The following PPP1R1C variants were observed in gnomAD, a reference collection of about 807,000 sequenced individuals.
The protein encoded by PPP1R1C is protein phosphatase 1 regulatory subunit 1C.
PPP1R1C carries 15 observed loss-of-function variants against 17.4 expected under a neutral mutation model. The ratio of observed to expected loss-of-function variants is 0.86; its 90% CI spans 0.58 to 1.33. PPP1R1C has a LOEUF of 1.33. PPP1R1C is among the 40% of genes most tolerant of loss of function. The pLI, the probability that PPP1R1C is intolerant of heterozygous loss-of-function variation, is 0.00. For missense variants in PPP1R1C, 143 were observed against 130.0 expected (o/e 1.10, Z -0.48); for synonymous variants, 35 against 43.1 (o/e 0.81, Z 0.73).
chr2:182,119,520 C>G (rs1028176585), downstream of PPP1R1C, among the ~76,000 whole-genome samples: 12 of 152,216 alleles, frequency 7.9e-5, no homozygotes, highest in Non-Finnish European at 1.5e-4. Context: ...ACAGTCCCAA[C>G]AACAGTGTAA....
chr2:182,104,497 T>G (rs181188379), intron 4 of PPP1R1C, among the ~76,000 whole-genome samples: 3 of 152,338 alleles, frequency 2.0e-5, no homozygotes, highest in South Asian at 2.1e-4. Context: ...TGTATCACAC[T>G]TATTGATTTG....
chr2:181,961,617 C>A lies in PPP1R1C; in HGVS notation n.111+6983C>A. On this transcript the variant is annotated intron_variant and non_coding_transcript_variant, in intron 1 of 5. Transcript: ENST00000464264. The surrounding 1 kb of genome is among the most constrained non-coding windows in gnomAD (Gnocchi z 5.8). ...TGAGCGTCATCTCAGCATCTCCAAC[C>A]TTGGTGGACTGCGTAGTGACCACTG... The A allele has an allele frequency of 1.3e-6, 1 of 741,996 alleles. No homozygotes were observed. Among genetic ancestry groups the A allele is most frequent in the Admixed American group, 1.8e-5 (1 of 55,206 alleles). 46.0% of individuals were successfully genotyped at this position (741,996 alleles called of 1,614,324 possible). A position where few individuals can be genotyped will look rare whatever the true frequency, so the allele number is the denominator to read the frequency against.
chr2:182,007,344 A>AAT (rs1169696187), intron 2 of PPP1R1C, among the ~76,000 whole-genome samples: 1 of 152,190 alleles, frequency 6.6e-6, no homozygotes, highest in Non-Finnish European at 1.5e-5. Context: ...CTACAATATC[A>AAT]ATAAGAATAC....
intron 2 of PPP1R1C, among the ~76,000 whole-genome samples, chr2:182,049,238 GA>G (rs1687435448): frequency 1.3e-5 from 2 of 150,780 alleles, no homozygotes; most frequent in African/African-American, 4.9e-5. Context: ...GCAGAGGCAG[GA>G]GAATCACTTG....
intron 4 of PPP1R1C, among the ~76,000 whole-genome samples, chr2:182,079,123 C>A (rs1366925840): frequency 6.6e-6 from 1 of 152,056 alleles, no homozygotes; most frequent in Admixed American, 6.6e-5. Flanking sequence ...TTAAATCAGG[C>A]TATAAAAGAA....
intron 2 of PPP1R1C, among the ~76,000 whole-genome samples, chr2:182,052,329 GTC>G (rs1687546510): frequency 6.6e-6 from 1 of 152,154 alleles, no homozygotes; most frequent in Non-Finnish European, 1.5e-5. Context: ...CACAAATCTA[GTC>G]TCTGTCATGG....
At chr2:182,038,989 A>G (rs1344988114) in intron 2 of PPP1R1C, among the ~76,000 whole-genome samples, 2 of 152,214 alleles carry the variant, frequency 1.3e-5, no homozygotes, top group Admixed American at 6.5e-5. Flanking sequence ...GTAAGCTGTT[A>G]TTGAAAGTCT....
At chr2:182,113,598 C>T (rs1559098196) in intron 4 of PPP1R1C, among the ~76,000 whole-genome samples, 1 of 152,148 alleles carries the variant, frequency 6.6e-6, no homozygotes, top group Non-Finnish European at 1.5e-5. Context: ...TGCCTAGAAA[C>T]ACCAGGTCAA....
At chr2:182,092,107 C>T (rs1359606883) in intron 4 of PPP1R1C, among the ~76,000 whole-genome samples, 3 of 152,068 alleles carry the variant, frequency 2.0e-5, no homozygotes, top group Non-Finnish European at 4.4e-5. Context: ...TGTATTAGTC[C>T]GTTTTCATGC....
chr2:182,066,955 T>TGG (rs1331335271), intron 4 of PPP1R1C, among the ~76,000 whole-genome samples: 7 of 65,972 alleles, frequency 1.1e-4, no homozygotes, highest in African/African-American at 3.5e-4. Context: ...TGTGTGTCTG[T>TGG]GTGTGTGTGT....
intron 2 of PPP1R1C, among the ~76,000 whole-genome samples, chr2:182,037,627 G>A (rs962087080): frequency 1.3e-5 from 2 of 151,604 alleles, no homozygotes; most frequent in South Asian, 2.1e-4. Flanking sequence ...TTAAAGAATA[G>A]CAATTATAAT....
intron 5 of PPP1R1C, among the ~76,000 whole-genome samples, chr2:182,126,444 A>G (rs1689877411): frequency 6.6e-6 from 1 of 152,094 alleles, no homozygotes; most frequent in African/African-American, 2.4e-5. Context: ...GTCTATGTTA[A>G]CAAAATTAAA....
chr2:181,993,070 C>T (rs1476381588), intron 2 of PPP1R1C, among the ~76,000 whole-genome samples: 2 of 152,046 alleles, frequency 1.3e-5, no homozygotes, highest in African/African-American at 4.8e-5. Flanking sequence ...ATTTTGAAGC[C>T]TCTAGATTGG....
At chr2:182,078,549 A>C (rs1173521568) in intron 4 of PPP1R1C, among the ~76,000 whole-genome samples, 1 of 152,196 alleles carries the variant, frequency 6.6e-6, no homozygotes, top group Non-Finnish European at 1.5e-5. Flanking sequence ...TCTTCTTCAG[A>C]CTGACTAGTT....
chr2:182,127,610 G>A (rs868168246), intron 5 of PPP1R1C, among the ~76,000 whole-genome samples: 18 of 152,040 alleles, frequency 1.2e-4, no homozygotes, highest in African/African-American at 3.4e-4. Context: ...GGAAGAAAAG[G>A]GGAAGAACCA....
At chr2:182,018,147 A>C (rs140765482) in intron 2 of PPP1R1C, among the ~76,000 whole-genome samples, 336 of 152,300 alleles carry the variant, frequency 2.2e-3, no homozygotes, top group African/African-American at 7.8e-3. Flanking sequence ...TTATACTATA[A>C]AGCTCTCAGC....
chr2:182,083,490 C>G (rs939481563), intron 4 of PPP1R1C, among the ~76,000 whole-genome samples: 7 of 152,166 alleles, frequency 4.6e-5, no homozygotes, highest in African/African-American at 1.2e-4. Context: ...GCTTAGCTCC[C>G]TCTTGTAATC....
At position 181,986,204 on chromosome 2, in the gene PPP1R1C, G is replaced by A; in HGVS notation, c.81+13G>A. On this transcript the variant is annotated intron_variant, in intron 1 of 4. Coordinates refer to ENST00000682840, the MANE Select transcript of PPP1R1C (RefSeq NM_001080545.3). Reference sequence around the variant, plus strand: ...AGCAGCAGAGCAGGTATGTGAAATTGCATGGAGAACCATTCCTGTACATAA... The same window carrying A: ...AGCAGCAGAGCAGGTATGTGAAATTACATGGAGAACCATTCCTGTACATAA... 1 of 1,592,276 alleles carries A rather than the reference G, an allele frequency of 6.3e-7. No homozygotes were observed. Among genetic ancestry groups the A allele is most frequent in the African/African-American group, 1.3e-5 (1 of 74,604 alleles).
intron 2 of PPP1R1C, among the ~76,000 whole-genome samples, chr2:182,015,772 G>T (rs1160075542): frequency 2.6e-5 from 4 of 152,086 alleles, no homozygotes; most frequent in African/African-American, 4.8e-5. Context: ...CTGTGGCTGA[G>T]CTGGATCTAA....
Sources: allele counts gnomAD v4.1 joint callset (sites outside exome capture counted in the v4.1 genomes callset), GRCh38; gene constraint gnomAD v4.1.1; non-coding constraint Gnocchi (gnomAD v3.1); transcripts MANE v1.5; gene names NCBI Gene and HGNC (gene_info 2026-07-23, HGNC 2026-07-21).